CNTNAP2: variants seen among roughly 807,000 people sequenced by gnomAD.
CNTNAP2 encodes the protein contactin-associated protein-like 2.
A neutral mutation model predicts 155.2 loss-of-function variants in CNTNAP2; 98 were observed. The ratio of observed to expected loss-of-function variants is 0.63; its 90% CI spans 0.54 to 0.75. The LOEUF is 0.75. Among genes scored for constraint, CNTNAP2 ranks in the 30% least tolerant of loss-of-function variants. The pLI, the probability that CNTNAP2 is intolerant of heterozygous loss-of-function variation, is 0.00. For missense variants in CNTNAP2, 1,727 were observed against 1,688.1 expected (o/e 1.02, Z -0.40); for synonymous variants, 651 against 631.2 (o/e 1.03, Z -0.47).
intron 12 of CNTNAP2, among the ~76,000 whole-genome samples, chr7:147,630,316 T>TTA (rs1286214301): frequency 4.4e-4 from 32 of 73,102 alleles, no homozygotes; most frequent in African/African-American, 1.0e-3. Context: ...GAAACAGTAG[T>TTA]AAAAAAAAAA....
At chr7:147,339,639 AAG>A (rs1213218199) in intron 9 of CNTNAP2, among the ~76,000 whole-genome samples, 1 of 152,180 alleles carries the variant, frequency 6.6e-6, no homozygotes, top group African/African-American at 2.4e-5. Flanking sequence ...AAAATTATAA[AAG>A]AAAAAATTAA....
At position 148,385,915 on chromosome 7, in the gene CNTNAP2, GAC is replaced by G. The variant is rs143172952; in HGVS notation, c.3715+2029_3715+2030del. Reference sequence around the variant, plus strand: ...ATCATGCCCACTTAATTTTTGTAGAGACAGGATTTCACCATGTTGGCCAAACT... The same window carrying G: ...ATCATGCCCACTTAATTTTTGTAGAGAGGATTTCACCATGTTGGCCAAACT... On this transcript the variant is annotated intron_variant, in intron 22 of 23. Coordinates refer to ENST00000361727, the MANE Select transcript of CNTNAP2 (RefSeq NM_014141.6). Among the ~76,000 whole-genome samples, 1,094 of 152,030 alleles carry G rather than the reference GAC, an allele frequency of 7.2e-3. 3 individuals are homozygous for G. Among genetic ancestry groups the G allele is most frequent in the Middle Eastern group, 0.021 (6 of 290 alleles).
chr7:146,835,883 T>C (rs1283376956), intron 2 of CNTNAP2, among the ~76,000 whole-genome samples: 1 of 152,194 alleles, frequency 6.6e-6, no homozygotes, highest in Non-Finnish European at 1.5e-5. Context: ...GCTCTGAGAC[T>C]GTGAAGACAC....
At chr7:148,035,814 G>A (rs531545650) in intron 15 of CNTNAP2, among the ~76,000 whole-genome samples, 1 of 152,322 alleles carries the variant, frequency 6.6e-6, no homozygotes, top group Non-Finnish European at 1.5e-5. Context: ...ACCCATGAGA[G>A]CTCCTATGTG....
intron 8 of CNTNAP2, among the ~76,000 whole-genome samples, chr7:147,220,877 C>T (rs1194727333): frequency 6.6e-6 from 1 of 152,000 alleles, no homozygotes. Context: ...CCATGTCTGA[C>T]TAATTTTTGT....
In CNTNAP2 at chr7:147,870,869, C is replaced by T. The variant is rs111841628; in HGVS notation, c.2099-32696C>T. Among the ~76,000 whole-genome samples the T allele has an allele frequency of 5.4e-3, 829 of 152,156 alleles. 2 individuals are homozygous for T. The highest frequency in any genetic ancestry group is 0.01 in the Admixed American group (159 of 15,294). ...CGAGGGGATACAAATTCTGGCTTAC[C>T]TCCGTGGTCTGAGGATAGGGGGATC... On this transcript the variant is annotated intron_variant, in intron 13 of 23. Transcript: ENST00000361727.
chr7:147,303,918 T>C (rs1216678010), intron 9 of CNTNAP2, among the ~76,000 whole-genome samples: 1 of 152,180 alleles, frequency 6.6e-6, no homozygotes, highest in Admixed American at 6.5e-5. Flanking sequence ...AAGTATTTCT[T>C]CCCCACACTC....
intron 14 of CNTNAP2, among the ~76,000 whole-genome samples, chr7:147,924,354 G>C (rs897909310): frequency 5.9e-5 from 9 of 151,898 alleles, no homozygotes; most frequent in African/African-American, 2.2e-4. Context: ...GGTCAGGCTG[G>C]TCTCGAACTC....
At chr7:147,106,005 T>C (rs1800757894) in intron 4 of CNTNAP2, among the ~76,000 whole-genome samples, 1 of 152,102 alleles carries the variant, frequency 6.6e-6, no homozygotes, top group Non-Finnish European at 1.5e-5. Context: ...AGGAATGCAT[T>C]AACATTTGCG....
intron 3 of CNTNAP2, among the ~76,000 whole-genome samples, chr7:146,893,381 CTCTA>C (rs1174576969): frequency 1.3e-5 from 2 of 151,002 alleles, no homozygotes; most frequent in Non-Finnish European, 1.5e-5. Context: ...TATCATATAT[CTCTA>C]TATAGAGATC....
chr7:146,325,825 A>T (rs1179936320), intron 1 of CNTNAP2, among the ~76,000 whole-genome samples: 1 of 152,168 alleles, frequency 6.6e-6, no homozygotes, highest in Non-Finnish European at 1.5e-5. Context: ...ATGTGCACAT[A>T]GTTTGGGTAA....
At chr7:146,317,261 T>C (rs1192486496) in intron 1 of CNTNAP2, among the ~76,000 whole-genome samples, 1 of 152,182 alleles carries the variant, frequency 6.6e-6, no homozygotes, top group East Asian at 1.9e-4. Context: ...CACAAGCAAA[T>C]AGGTAATCAT....
chr7:147,301,577 T>G (rs1794945535), intron 9 of CNTNAP2, among the ~76,000 whole-genome samples: 2 of 63,182 alleles, frequency 3.2e-5, no homozygotes, highest in East Asian at 3.2e-4. Flanking sequence ...TATATAGCTC[T>G]CTCTCTCTCT....
intron 2 of CNTNAP2, among the ~76,000 whole-genome samples, chr7:146,811,520 CT>C (rs1184759787): frequency 2.6e-5 from 4 of 151,728 alleles, no homozygotes; most frequent in African/African-American, 9.7e-5. Flanking sequence ...CTTTGTTAGT[CT>C]TTTTTTCTTT....
intron 1 of CNTNAP2, among the ~76,000 whole-genome samples, chr7:146,261,796 T>C (rs1799923022): frequency 6.6e-6 from 1 of 152,220 alleles, no homozygotes; most frequent in African/African-American, 2.4e-5. Flanking sequence ...ATAAATATTA[T>C]GTCTCTATTT....
intron 8 of CNTNAP2, among the ~76,000 whole-genome samples, chr7:147,157,834 A>G (rs1211170755): frequency 6.6e-6 from 1 of 152,132 alleles, no homozygotes; most frequent in Non-Finnish European, 1.5e-5. Context: ...AATGTACCAT[A>G]TTTATCAGAA....
chr7:146,701,828 GAGAC>G (rs1800882785), intron 1 of CNTNAP2, among the ~76,000 whole-genome samples: 1 of 152,106 alleles, frequency 6.6e-6, no homozygotes, highest in African/African-American at 2.4e-5. Flanking sequence ...CAGCATAAAA[GAGAC>G]AGTCTTTCAT....
intron 20 of CNTNAP2, among the ~76,000 whole-genome samples, chr7:148,248,202 AAT>A (rs1491515624): frequency 9.2e-6 from 1 of 109,024 alleles, no homozygotes; most frequent in Non-Finnish European, 2.1e-5. Flanking sequence ...CCTGTTCTAT[AAT>A]TTTTTTTTTT....
chr7:147,551,016 A>C (rs1799842664), intron 11 of CNTNAP2, among the ~76,000 whole-genome samples: 1 of 152,194 alleles, frequency 6.6e-6, no homozygotes, highest in Non-Finnish European at 1.5e-5. Flanking sequence ...ACTAACTTGC[A>C]TACACCAGGC....
Sources: allele counts gnomAD v4.1 joint callset (sites outside exome capture counted in the v4.1 genomes callset), GRCh38; gene constraint gnomAD v4.1.1; transcripts MANE v1.5; gene names NCBI Gene and HGNC (gene_info 2026-07-23, HGNC 2026-07-21).